The following KCNJ6 variants were observed in gnomAD, a reference collection of about 807,000 sequenced individuals.
KCNJ6 encodes the protein potassium inwardly rectifying channel subfamily J member 6.
In KCNJ6, 9 loss-of-function variants were observed where a neutral mutation model predicts 34.2. The ratio of observed to expected loss-of-function variants is 0.26; its 90% CI spans 0.16 to 0.46. The LOEUF is 0.46. Ranked by LOEUF, KCNJ6 falls within the 20% of genes least tolerant of loss-of-function variation. The probability of loss-of-function intolerance (pLI) is 1.00; values close to 1 mark genes in which losing one functional copy is unlikely to be tolerated. For missense variants in KCNJ6, 236 were observed against 531.3 expected (o/e 0.44, Z 5.46); for synonymous variants, 196 against 207.1 (o/e 0.95, Z 0.46).
chr21:37,806,848 A>G (rs1169474510), intron 2 of KCNJ6, among the ~76,000 whole-genome samples: 4 of 152,248 alleles, frequency 2.6e-5, no homozygotes, highest in Non-Finnish European at 5.9e-5. Context: ...ACTAAACCTT[A>G]AACTTAACTA....
At chr21:37,879,714 AGTGTGTGTGTGTGTGTGTGTGTGTGTGT>A (rs56736533) in intron 1 of KCNJ6, among the ~76,000 whole-genome samples, 1 of 143,288 alleles carries the variant, frequency 7.0e-6, no homozygotes, top group Non-Finnish European at 1.5e-5. Flanking sequence ...CTTGAAATGA[AGTGTGTGTGTGTGTGTGTGTGTGTGTGT>A]GTGTGTGTGT....
At chr21:37,718,401 T>C (rs762272387) in intron 2 of KCNJ6, among the ~76,000 whole-genome samples, 5 of 151,708 alleles carry the variant, frequency 3.3e-5, no homozygotes, top group African/African-American at 4.9e-5. Flanking sequence ...GATAGAAGAG[T>C]GGTCAGGGGG....
At chr21:37,680,059 T>C (rs2054583932) in intron 3 of KCNJ6, among the ~76,000 whole-genome samples, 1 of 152,224 alleles carries the variant, frequency 6.6e-6, no homozygotes, top group Non-Finnish European at 1.5e-5. Flanking sequence ...GAGCAAATCA[T>C]GCCTTTTTTC....
At chr21:37,661,614 G>GTTTTGTTTTTTTTTTTTT (rs2054488657) in intron 3 of KCNJ6, among the ~76,000 whole-genome samples, 1 of 71,172 alleles carries the variant, frequency 1.4e-5, no homozygotes, top group Non-Finnish European at 2.6e-5. Context: ...AAGAGACATA[G>GTTTTGTTTTTTTTTTTTT]TTTTTTTTTT....
chr21:37,868,940 G>A (rs1601509472), intron 1 of KCNJ6, among the ~76,000 whole-genome samples: 1 of 152,372 alleles, frequency 6.6e-6, no homozygotes, highest in Non-Finnish European at 1.5e-5. Context: ...TGTGTTTGGT[G>A]TTTCACTCAC....
intron 3 of KCNJ6, among the ~76,000 whole-genome samples, chr21:37,710,280 T>C (rs925964627): frequency 1.3e-5 from 2 of 152,260 alleles, no homozygotes; most frequent in Non-Finnish European, 2.9e-5. Context: ...AATGGTATGA[T>C]AGCTATGTTT....
intron 1 of KCNJ6, among the ~76,000 whole-genome samples, chr21:37,857,229 G>A (rs769242651): frequency 3.0e-4 from 46 of 152,132 alleles, no homozygotes; most frequent in African/African-American, 7.5e-4. Context: ...GTAGAGGGAG[G>A]GCTATTGTTA....
At chr21:37,718,954 A>ACCCAC (rs2054809545) in intron 2 of KCNJ6, among the ~76,000 whole-genome samples, 1 of 152,204 alleles carries the variant, frequency 6.6e-6, no homozygotes, top group Admixed American at 6.5e-5. Flanking sequence ...CCGTGGGTGC[A>ACCCAC]GGCCAGGTGC....
At position 37,695,813 on chromosome 21, in the gene KCNJ6, T is replaced by C. The variant is rs1369027339; in HGVS notation, c.946+18398A>G. On this transcript the variant is annotated intron_variant, in intron 3 of 3. Coordinates refer to ENST00000609713, the MANE Select transcript of KCNJ6 (RefSeq NM_002240.5). The surrounding 1 kb of genome is among the most constrained non-coding windows in gnomAD (Gnocchi z 4.2). ...CCTAGTAAAAGGAACAAGGAATCTT[T>C]GGAGAAATGTCTGACTCCAGAGCTG... 6.6e-6 allele frequency among the ~76,000 whole-genome samples: 1 copy of C among 152,198 alleles called. No individual in the cohort carries two copies. The highest frequency in any genetic ancestry group is 2.4e-5 in the African/African-American group (1 of 41,440).
At position 37,614,488 on chromosome 21, in the gene KCNJ6, G is replaced by GTGTCTGCGTGTGTGTGTATGCATGTGTC. The variant is rs1447259894; in HGVS notation, c.*10670_*10671insGACACATGCATACACACACACGCAGACA. On this transcript the variant is annotated 3_prime_UTR_variant, in exon 4 of 4. Coordinates refer to ENST00000609713, the MANE Select transcript of KCNJ6 (RefSeq NM_002240.5). The stretch of plus-strand genomic sequence containing the variant: ...TGCGTGTGTGTGTATGCATGTGTCT[G>GTGTCTGCGTGTGTGTGTATGCATGTGTC]TGTGCGTGTATGCATGTGTCTCTGT... 1.4e-4 allele frequency: 18 copies of GTGTCTGCGTGTGTGTGTATGCATGTGTC among 128,486 alleles called. No individual in the cohort carries two copies. Among genetic ancestry groups the GTGTCTGCGTGTGTGTGTATGCATGTGTC allele is most frequent in the East Asian group, 4.4e-4 (2 of 4,504 alleles). 8.0% of individuals were successfully genotyped at this position (128,486 alleles called of 1,614,324 possible).
chr21:37,826,982 G>A (rs533547104), intron 2 of KCNJ6, among the ~76,000 whole-genome samples: 1 of 152,184 alleles, frequency 6.6e-6, no homozygotes, highest in Non-Finnish European at 1.5e-5. Flanking sequence ...GGGATGTGGG[G>A]ACTCAGCGAC....
rs546826398 is a variant in KCNJ6 at position 37,636,018 on chromosome 21, G to A, written c.947-10534C>T. The stretch of plus-strand genomic sequence containing the variant: ...TTAACTATTCACGTATTTGGTGGTG[G>A]GTAGGGGAGAGCTACTGGTCTAAGT... On this transcript the variant is annotated intron_variant, in intron 3 of 3. Coordinates refer to ENST00000609713, the MANE Select transcript of KCNJ6 (RefSeq NM_002240.5). 1.1e-4 allele frequency among the ~76,000 whole-genome samples: 16 copies of A among 152,296 alleles called. No individual in the cohort carries two copies. In the South Asian group the frequency reaches 3.3e-3, roughly 32 times the overall value.
chr21:37,813,004 A>C (rs1409915277), intron 2 of KCNJ6, among the ~76,000 whole-genome samples: 1 of 152,204 alleles, frequency 6.6e-6, no homozygotes, highest in Non-Finnish European at 1.5e-5. Context: ...ATGGTATTAC[A>C]TTGGGAAAAA....
rs1305844513 is a variant in KCNJ6 at position 37,616,466 on chromosome 21, G to C, written c.*8693C>G. The C allele has an allele frequency of 1.3e-5, 2 of 150,824 alleles. No homozygotes were observed. The highest frequency in any genetic ancestry group is 1.3e-4 in the Admixed American group (2 of 15,076). 9.3% of individuals were successfully genotyped at this position (150,824 alleles called of 1,614,324 possible). ...AAGAAGATCCCACTGGACCAGTCCA[G>C]CTGTCCTTTCAGCACAAGACCTAAC... On this transcript the variant is annotated 3_prime_UTR_variant, in exon 4 of 4. Transcript: ENST00000609713.
At chr21:37,751,238 T>C (rs2054993765) in intron 2 of KCNJ6, among the ~76,000 whole-genome samples, 1 of 152,230 alleles carries the variant, frequency 6.6e-6, no homozygotes, top group Non-Finnish European at 1.5e-5. Flanking sequence ...ATCTGCTAAT[T>C]TTCCAATCTC....
chr21:37,868,057 C>G lies in KCNJ6; in HGVS notation c.-27-27348G>C, dbSNP rs9974448. 1.4e-4 allele frequency among the ~76,000 whole-genome samples: 22 copies of G among 152,148 alleles called. No individual in the cohort carries two copies. In the South Asian group the frequency reaches 3.3e-3, roughly 23 times the overall value. On this transcript the variant is annotated intron_variant, in intron 1 of 3. Transcript: ENST00000609713. Reference sequence around the variant, plus strand: ...CATCTTTTCCCTAAGACCTCACAGCCAGCTGGGAGAATGAAGTTGAAGGCC... The same window carrying G: ...CATCTTTTCCCTAAGACCTCACAGCGAGCTGGGAGAATGAAGTTGAAGGCC...
At chr21:37,657,369 T>C (rs2054468917) in intron 3 of KCNJ6, among the ~76,000 whole-genome samples, 1 of 152,126 alleles carries the variant, frequency 6.6e-6, no homozygotes, top group South Asian at 2.1e-4. Context: ...GGGGCCCCAT[T>C]TGTGCTCTTG....
At chr21:37,844,166 T>C (rs1175758451) in intron 1 of KCNJ6, among the ~76,000 whole-genome samples, 1 of 151,832 alleles carries the variant, frequency 6.6e-6, no homozygotes, top group Non-Finnish European at 1.5e-5. Flanking sequence ...TCAAGCAATT[T>C]TCCTGCCTTA....
At chr21:37,848,763 C>T (rs1009990552) in intron 1 of KCNJ6, among the ~76,000 whole-genome samples, 4 of 152,154 alleles carry the variant, frequency 2.6e-5, no homozygotes, top group East Asian at 1.9e-4. Context: ...ATGTTGAGCA[C>T]GTGACCTTCT....
Sources: gnomAD v4.1 joint callset for allele counts (sites outside exome capture counted in the v4.1 genomes callset) on GRCh38, gnomAD v4.1.1 for gene constraint, Gnocchi (gnomAD v3.1) non-coding constraint, MANE v1.5 for transcripts, NCBI Gene and HGNC (gene_info 2026-07-23, HGNC 2026-07-21) for gene names.